Variants in GPR107 observed in about 807,000 individuals in gnomAD.
The protein encoded by GPR107 is protein GPR107.
Under a neutral mutation model 75.5 loss-of-function variants are expected in GPR107, and 31 were observed. The observed-to-expected ratio is 0.41, with a 90% CI of 0.31 to 0.55. GPR107 has a LOEUF of 0.55. GPR107 is among the 20% of genes least tolerant of loss of function. GPR107 has a pLI of 0.26. For missense variants in GPR107, 572 were observed against 665.7 expected (o/e 0.86, Z 1.55); for synonymous variants, 267 against 251.3 (o/e 1.06, Z -0.59).
At chr9:130,083,369 T>G in intron 5 of GPR107, 196 bp from the exon 6 acceptor site, 1 of 381,054 alleles carries the variant, frequency 2.6e-6, no homozygotes, top group East Asian at 3.8e-5. Flanking sequence ...ATTTATAATA[T>G]AACAAGGTCT....
intron 1 of GPR107, among the ~76,000 whole-genome samples, chr9:130,074,604 C>G (rs1478942145): frequency 6.6e-6 from 1 of 152,030 alleles, no homozygotes; most frequent in African/African-American, 2.4e-5. Context: ...AGGCGTCTGC[C>G]CATGTGATTC....
At position 130,127,324 on chromosome 9, in the gene GPR107, C is replaced by G. The variant is rs117984237; in HGVS notation, c.1357-159C>G. ...AGTGTAACTAGCAGAGTAGCCATGT[C>G]TCTCCGCTGCACGTATTAATTCACA... On this transcript the variant is annotated intron_variant, in intron 15 of 17. Transcript: ENST00000347136. Among the ~76,000 whole-genome samples the G allele has an allele frequency of 1.6e-4, 24 of 152,316 alleles. No homozygotes were observed. The East Asian group carries it at 3.9e-3, about 24-fold the overall frequency.
intron 4 of GPR107, among the ~76,000 whole-genome samples, chr9:130,078,863 A>G (rs576720397): frequency 1.3e-5 from 2 of 152,328 alleles, no homozygotes; most frequent in African/African-American, 4.8e-5. Flanking sequence ...GATGGGGTAA[A>G]CAAAATTGGG....
chr9:130,102,235 G>A (rs1207420591), intron 12 of GPR107, among the ~76,000 whole-genome samples: 2 of 152,126 alleles, frequency 1.3e-5, no homozygotes, highest in Non-Finnish European at 2.9e-5. Flanking sequence ...GGACTGTGCC[G>A]GTCTTTCGGC....
chr9:130,079,151 C>G (rs1455236045), intron 4 of GPR107, among the ~76,000 whole-genome samples: 1 of 152,086 alleles, frequency 6.6e-6, no homozygotes, highest in East Asian at 1.9e-4. Context: ...TTAGTAGAGA[C>G]AGGGTTTTGC....
At chr9:130,108,914 C>T in intron 14 of GPR107, 1 of 355,018 alleles carries the variant, frequency 2.8e-6, no homozygotes, top group South Asian at 2.1e-5. Flanking sequence ...TCTTGGAGCC[C>T]AGTAAAGCAC....
intron 17 of GPR107, among the ~76,000 whole-genome samples, chr9:130,133,402 A>G (rs1238773435): frequency 6.6e-6 from 1 of 152,232 alleles, no homozygotes; most frequent in Non-Finnish European, 1.5e-5. Context: ...CAGTAACCAT[A>G]GGACAGCTGT....
intron 4 of GPR107, 30 bp from the exon 5 acceptor site, chr9:130,079,600 C>CT: frequency 6.2e-7 from 1 of 1,608,206 alleles, no homozygotes; most frequent in Non-Finnish European, 8.5e-7. Flanking sequence ...CTGCTTTGAC[C>CT]TTTTTTCCTT....
intron 17 of GPR107, among the ~76,000 whole-genome samples, chr9:130,132,184 C>T (rs541500319): frequency 3.3e-4 from 50 of 152,146 alleles, no homozygotes; most frequent in African/African-American, 1.1e-3. Flanking sequence ...CCTGGGAATA[C>T]AGGTGTGCCC....
At chr9:130,104,624 A>ATGT in intron 13 of GPR107, 74 bp downstream of exon 13, 1 of 1,293,838 alleles carries the variant, frequency 7.7e-7, no homozygotes, top group Non-Finnish European at 1.1e-6. Flanking sequence ...GGCCATTCCC[A>ATGT]AACTGATCTC....
At chr9:130,090,323 C>A (rs904032216) in intron 7 of GPR107, among the ~76,000 whole-genome samples, 6 of 152,102 alleles carry the variant, frequency 3.9e-5, no homozygotes, top group Non-Finnish European at 7.4e-5. Context: ...CTTTATTATT[C>A]TTCTCTAAAA....
In GPR107 at chr9:130,101,184, T is replaced by A. The variant is rs1345484412; in HGVS notation, c.1092T>A (p.Asp364Glu). The A allele has an allele frequency of 1.2e-6, 2 of 1,600,206 alleles. No individual in the cohort carries two copies. The highest frequency in any genetic ancestry group is 1.7e-6 in the Non-Finnish European group (2 of 1,167,390). The change falls in exon 12 of 18, where the codon GAT becomes GAA. Residue 364 changes from aspartate to glutamate, a missense_variant. Asp to Glu is a conservative substitution (Grantham distance 45, BLOSUM62 2). Coordinates refer to ENST00000347136, the MANE Select transcript of GPR107 (RefSeq NM_020960.5). ...GWAFIKHILSDKDKKIFMIVI... is the reference protein window; with the variant it reads ...GWAFIKHILSEKDKKIFMIVI... ...CTTTCATTAAGCACATCCTTTCTGA[T>A]AAAGACAAAAAGATCTTCATGATTG...
chr9:130,065,460 A>C (rs1830046351), intron 1 of GPR107, among the ~76,000 whole-genome samples: 2 of 148,470 alleles, frequency 1.3e-5, no homozygotes, highest in Admixed American at 6.8e-5. Flanking sequence ...ATAATAAATA[A>C]AAACCCATTA....
intron 1 of GPR107, among the ~76,000 whole-genome samples, chr9:130,057,013 A>G (rs896677313): frequency 2.7e-5 from 4 of 149,598 alleles, no homozygotes; most frequent in Non-Finnish European, 5.9e-5. Context: ...TGCATCCTGG[A>G]CAAGCTTGTT....
rs1554899950 is a variant in GPR107 at position 130,136,183 on chromosome 9, A to C, written c.*1062A>C. On this transcript the variant is annotated 3_prime_UTR_variant, in exon 18 of 18. Transcript: ENST00000347136. Reference sequence around the variant, plus strand: ...CCATAGTCCAAGAGTATGTATGTGAAGAAAGTGAGCATGATTCAACAGTTT... The same window carrying C: ...CCATAGTCCAAGAGTATGTATGTGACGAAAGTGAGCATGATTCAACAGTTT... The C allele has an allele frequency of 6.6e-6, 1 of 152,256 alleles. No individual in the cohort carries two copies. The highest frequency in any genetic ancestry group is 1.9e-4 in the East Asian group (1 of 5,204). The allele number at this position is 152,256 out of a possible 1,614,324, so 9.4% of individuals were successfully genotyped here. A position where few individuals can be genotyped will look rare whatever the true frequency, so the allele number is the denominator to read the frequency against.
chr9:130,076,265 G>C (rs1830346805), intron 2 of GPR107, 147 bp from the exon 3 acceptor site: 1 of 556,838 alleles, frequency 1.8e-6, no homozygotes, highest in Non-Finnish European at 3.2e-6. Context: ...GACTTTGCTT[G>C]AGTGATTTTA....
chr9:130,086,302 T>G, intron 6 of GPR107, 118 bp from the exon 7 acceptor site: 1 of 675,830 alleles, frequency 1.5e-6, no homozygotes. Flanking sequence ...GAGAGCTTTT[T>G]TGAAGGTCAG....
chr9:130,099,037 T>A (rs889362443), intron 9 of GPR107, among the ~76,000 whole-genome samples: 4 of 151,560 alleles, frequency 2.6e-5, no homozygotes, highest in African/African-American at 9.7e-5. Flanking sequence ...TTTAGCTGGG[T>A]ACAGTGGCTC....
intron 14 of GPR107, among the ~76,000 whole-genome samples, chr9:130,109,507 C>T (rs1346864087): frequency 2.6e-5 from 4 of 151,078 alleles, no homozygotes; most frequent in South Asian, 2.1e-4. Flanking sequence ...TTTCTTTTAT[C>T]GTGTTATATA....
Sources: allele counts gnomAD v4.1 joint callset (sites outside exome capture counted in the v4.1 genomes callset), GRCh38; gene constraint gnomAD v4.1.1; transcripts MANE v1.5; gene names NCBI Gene and HGNC (gene_info 2026-07-23, HGNC 2026-07-21).